GTPBP4: variants seen among roughly 807,000 people sequenced by gnomAD.
GTPBP4 encodes GTP binding protein 4.
Under a neutral mutation model 81.7 loss-of-function variants are expected in GTPBP4, and 15 were observed. That is an observed-to-expected ratio of 0.18 (90% CI 0.12 to 0.28). The LOEUF is 0.28. Among genes scored for constraint, GTPBP4 ranks in the 10% least tolerant of loss-of-function variants. GTPBP4 has a pLI of 1.00. For synonymous variants in GTPBP4, 272 were observed against 274.6 expected, an observed-to-expected ratio of 0.99 and a Z score of 0.09; for missense variants, 847 against 793.8, an observed-to-expected ratio of 1.07 and a Z score of -0.81.
Position 1,019,312 on chromosome 10 carries a change from C to G in GTPBP4, c.*2085C>G. ...AAATGTTAAATTTCCTCCCTGCAACCAGGCAGATGAGAAATATGGAAATAA... is the reference window on the plus strand; with the variant it reads ...AAATGTTAAATTTCCTCCCTGCAACGAGGCAGATGAGAAATATGGAAATAA... On this transcript the variant is annotated 3_prime_UTR_variant, in exon 17 of 17. Coordinates refer to ENST00000360803, the MANE Select transcript of GTPBP4 (RefSeq NM_012341.3). The G allele has an allele frequency of 1.9e-6, 1 of 532,168 alleles. No homozygotes were observed. The highest frequency in any genetic ancestry group is 3.3e-6 in the Non-Finnish European group (1 of 301,950). The allele number at this position is 532,168 out of a possible 1,614,324, so 33.0% of individuals were successfully genotyped here. A position where few individuals can be genotyped will look rare whatever the true frequency, so the allele number is the denominator to read the frequency against.
At chr10:1,010,653 C>T in intron 13 of GTPBP4, 133 bp downstream of exon 13, 1 of 692,856 alleles carries the variant, frequency 1.4e-6, no homozygotes, top group Non-Finnish European at 2.6e-6. Context: ...GACTCTGCCC[C>T]CTGTACCACT....
intron 10 of GTPBP4, chr10:1,008,522 G>A (rs984038840): frequency 3.1e-5 from 9 of 288,256 alleles, no homozygotes; most frequent in Middle Eastern, 8.2e-4. Flanking sequence ...TCAAGTGGTC[G>A]GCATTTCTGA....
chr10:988,919 C>G (rs757187240), intron 1 of GTPBP4: 1 of 196,744 alleles, frequency 5.1e-6, no homozygotes, highest in Non-Finnish European at 1.0e-5. Context: ...CTGGGTTTGG[C>G]GTAGCCCCCT....
chr10:989,814 G>A (rs1831410615), intron 1 of GTPBP4, among the ~76,000 whole-genome samples: 1 of 152,174 alleles, frequency 6.6e-6, no homozygotes, highest in Non-Finnish European at 1.5e-5. Context: ...GATCCTGACT[G>A]CAGCCACCGC....
chr10:1,004,513 C>T (rs1365999369), intron 8 of GTPBP4, among the ~76,000 whole-genome samples: 3 of 152,016 alleles, frequency 2.0e-5, no homozygotes, highest in Non-Finnish European at 4.4e-5. Flanking sequence ...GGTTGTGACT[C>T]TTCTGGGCGC....
intron 9 of GTPBP4, among the ~76,000 whole-genome samples, chr10:1,006,261 A>G (rs1226487898): frequency 6.6e-6 from 1 of 152,276 alleles, no homozygotes; most frequent in Non-Finnish European, 1.5e-5. Context: ...AAAGCAGAAC[A>G]GCTTTTGCAG....
chr10:1,001,286 T>G (rs11253560), intron 8 of GTPBP4, among the ~76,000 whole-genome samples: 18,980 of 152,256 alleles, frequency 0.12, 1,597 homozygotes, highest in Non-Finnish European at 0.19. Context: ...ATGTGATTAC[T>G]TAGGAGAGAA....
At chr10:1,004,420 C>T (rs1831689376) in intron 8 of GTPBP4, among the ~76,000 whole-genome samples, 1 of 152,126 alleles carries the variant, frequency 6.6e-6, no homozygotes, top group Non-Finnish European at 1.5e-5. Flanking sequence ...TGCCTCGGCT[C>T]AGCCCCTGCC....
intron 12 of GTPBP4, 113 bp from the exon 13 acceptor site, chr10:1,010,307 C>T: frequency 1.5e-6 from 1 of 661,100 alleles, no homozygotes; most frequent in Non-Finnish European, 2.7e-6. Context: ...ACGTCGTGCT[C>T]TCTTCTGCAG....
At chr10:1,008,537 A>C (rs1564469766) in intron 10 of GTPBP4, 2 of 296,852 alleles carry the variant, frequency 6.7e-6, no homozygotes, top group African/African-American at 4.4e-5. Flanking sequence ...TTCTGACCTG[A>C]GTATTGGAAA....
Position 1,010,414 on chromosome 10 carries a change from CT to C in GTPBP4, c.1244-3del. ...GTAAACGTAACCACCTTTTTTTTAA[CT>C]TTAGAGTACTGGGATTTAATGAATT... On this transcript the variant is annotated splice_polypyrimidine_tract_variant and splice_region_variant and intron_variant, in intron 12 of 16. Transcript: ENST00000360803. 7.0e-7 allele frequency: 1 copy of C among 1,433,538 alleles called. No homozygotes were observed. The highest frequency in any genetic ancestry group is 2.4e-5 in the East Asian group (1 of 42,348). The allele number at this position is 1,433,538 out of a possible 1,614,324, so 88.8% of individuals were successfully genotyped here. A position where few individuals can be genotyped will look rare whatever the true frequency, so the allele number is the denominator to read the frequency against.
Position 1,012,571 on chromosome 10 carries a change from C to T in GTPBP4, c.1451C>T (p.Ala484Val), listed in dbSNP as rs1396466253. The change falls in exon 14 of 17, where the codon GCA becomes GTA. Residue 484 changes from alanine (A) to valine (V), a missense_variant. By Grantham distance (64) the Ala-to-Val change is moderately conservative. Around this residue, in one of 3 missense-constraint regions of GTPBP4, gnomAD observed 600 missense variants for 557.1 expected, o/e 1.08. Coordinates refer to ENST00000360803, the MANE Select transcript of GTPBP4 (RefSeq NM_012341.3). ...DEEMLEIRQL[A>V]KQIREKKKLK... is the part of the protein sequence containing the mutation. ...GAGATGCTGGAAATCCGACAGCTGGCAAAGCAAATTCGAGAGAAAAAGAAG... is the reference window on the plus strand; with the variant it reads ...GAGATGCTGGAAATCCGACAGCTGGTAAAGCAAATTCGAGAGAAAAAGAAG... 2 of 1,613,576 alleles carry T rather than the reference C, an allele frequency of 1.2e-6. No homozygotes were observed. The highest frequency in any genetic ancestry group is 1.7e-6 in the Non-Finnish European group (2 of 1,179,706).
At chr10:1,005,689 TG>T (rs1378013655) in intron 8 of GTPBP4, 128 bp from the exon 9 acceptor site, 97 of 640,942 alleles carry the variant, frequency 1.5e-4, no homozygotes, top group African/African-American at 1.3e-3. Flanking sequence ...AGGATATGTC[TG>T]TTTTTTAAGA....
Position 997,275 on chromosome 10 carries a change from C to T in GTPBP4, c.528C>T (p.Tyr176=). The change falls in exon 5 of 17, where the codon TAC becomes TAT. Residue 176 remains tyrosine, a synonymous_variant. Coordinates refer to ENST00000360803, the MANE Select transcript of GTPBP4 (RefSeq NM_012341.3). ...PNTRTLLLCG[Y]PNVGKSSFIN... is the part of the protein sequence containing the mutation. ...CCAGGACCCTGCTTTTGTGTGGGTA[C>T]CCAAATGTTGGGAAGTCCAGCTTCA... The T allele has an allele frequency of 6.2e-7, 1 of 1,606,008 alleles. No individual in the cohort carries two copies. Among genetic ancestry groups the T allele is most frequent in the Non-Finnish European group, 8.5e-7 (1 of 1,172,602 alleles).
chr10:996,264 G>T (rs1262560514), intron 4 of GTPBP4, 22 bp downstream of exon 4: 1 of 1,603,632 alleles, frequency 6.2e-7, no homozygotes, highest in East Asian at 2.2e-5. Flanking sequence ...GCATCCGCGG[G>T]AACCGTGCTA....
chr10:1,010,355 GC>G, intron 12 of GTPBP4, 64 bp from the exon 13 acceptor site: 1 of 718,118 alleles, frequency 1.4e-6, no homozygotes, highest in African/African-American at 1.8e-5. Flanking sequence ...AACTCATTTT[GC>G]GCACGTAGTA....
chr10:1,009,435 T>C (rs1831809831), intron 11 of GTPBP4, 94 bp from the exon 12 acceptor site: 5 of 857,724 alleles, frequency 5.8e-6, no homozygotes, highest in Admixed American at 3.4e-5. Flanking sequence ...ACTGAGAGGA[T>C]TGGAGAAAAG....
In GTPBP4 at chr10:1,018,495, A is replaced by G. The variant is rs564668421; in HGVS notation, c.*1268A>G. 2.0e-5 allele frequency: 3 copies of G among 150,682 alleles called. No homozygotes were observed. Among genetic ancestry groups the G allele is most frequent in the South Asian group, 2.1e-4 (1 of 4,756 alleles). The allele number at this position is 150,682 out of a possible 1,614,324, so 9.3% of individuals were successfully genotyped here. A position where few individuals can be genotyped will look rare whatever the true frequency, so the allele number is the denominator to read the frequency against. On this transcript the variant is annotated 3_prime_UTR_variant, in exon 17 of 17. Transcript: ENST00000360803. ...CGTATTAAACACCAAAACTTAACAT[A>G]TAGTTTACTTTGTGTTAAACAACAA...
intron 1 of GTPBP4, 37 bp downstream of exon 1, chr10:988,564 T>C (rs1020995292): frequency 6.5e-7 from 1 of 1,541,604 alleles, no homozygotes; most frequent in Non-Finnish European, 9.0e-7. Context: ...AACTTTCGCG[T>C]TCTCCTCAGC....
Sources: allele counts gnomAD v4.1 joint callset (sites outside exome capture counted in the v4.1 genomes callset), GRCh38; gene constraint gnomAD v4.1.1; regional missense constraint gnomAD v4.1.1; transcripts MANE v1.5; gene names NCBI Gene and HGNC (gene_info 2026-07-23, HGNC 2026-07-21).